The following EXOC4 variants were observed in gnomAD, a reference collection of about 807,000 sequenced individuals.
EXOC4 encodes SEC8-like 1.
A neutral mutation model predicts 107.2 loss-of-function variants in EXOC4; 71 were observed. The ratio of observed to expected loss-of-function variants is 0.66; its 90% CI spans 0.55 to 0.81. EXOC4 has a LOEUF of 0.81. EXOC4 is among the 30% of genes least tolerant of loss of function. EXOC4 has a pLI of 0.00. For synonymous variants in EXOC4, 456 were observed against 441.2 expected (o/e 1.03, Z -0.42); for missense variants, 1,108 against 1,189.6 (o/e 0.93, Z 1.01).
chr7:133,785,631 C>T (rs1796551829), intron 10 of EXOC4, among the ~76,000 whole-genome samples: 2 of 151,944 alleles, frequency 1.3e-5, no homozygotes, highest in Non-Finnish European at 2.9e-5. Flanking sequence ...AAACTGAGGC[C>T]AGAGGAAGAG....
chr7:133,500,888 T>G (rs1194035126), intron 9 of EXOC4, among the ~76,000 whole-genome samples: 5 of 152,170 alleles, frequency 3.3e-5, no homozygotes, highest in African/African-American at 4.8e-5. Flanking sequence ...GATTCAGGCC[T>G]TGGAAGTTAG....
the EXOC4 span, among the ~76,000 whole-genome samples, chr7:134,086,296 A>C: frequency 6.6e-6 from 1 of 152,208 alleles, no homozygotes; most frequent in African/African-American, 2.4e-5. Flanking sequence ...CAAAATTTGA[A>C]AGTTGAGCAC....
intron 3 of EXOC4, among the ~76,000 whole-genome samples, chr7:133,297,559 C>T (rs1794546456): frequency 6.6e-6 from 1 of 152,124 alleles, no homozygotes; most frequent in African/African-American, 2.4e-5. Context: ...CATTATCTCT[C>T]TGTTTTAGTA....
At chr7:133,537,914 A>G (rs946046869) in intron 9 of EXOC4, among the ~76,000 whole-genome samples, 2 of 152,178 alleles carry the variant, frequency 1.3e-5, no homozygotes, top group Non-Finnish European at 2.9e-5. Context: ...ACAATAATAC[A>G]TATTTTTGGT....
intron 11 of EXOC4, among the ~76,000 whole-genome samples, chr7:133,847,393 T>G (rs1798149253): frequency 3.7e-5 from 1 of 27,266 alleles, no homozygotes; most frequent in South Asian, 2.1e-3. Flanking sequence ...TTTTTTTTTT[T>G]TTTGGAGACT....
intron 7 of EXOC4, among the ~76,000 whole-genome samples, chr7:133,465,881 A>G (rs766204600): frequency 2.0e-4 from 30 of 152,198 alleles, no homozygotes; most frequent in South Asian, 6.2e-4. Flanking sequence ...CACACCTGTA[A>G]TCCCAGCACT....
chr7:133,325,795 C>A (rs993724977), intron 5 of EXOC4, among the ~76,000 whole-genome samples: 2 of 152,170 alleles, frequency 1.3e-5, no homozygotes, highest in Non-Finnish European at 2.9e-5. Flanking sequence ...TGTATAATTT[C>A]CTGCAGAGTG....
chr7:133,614,987 G>C (rs1347253174), intron 9 of EXOC4, among the ~76,000 whole-genome samples: 1 of 152,042 alleles, frequency 6.6e-6, no homozygotes, highest in Admixed American at 6.6e-5. Context: ...AAAACAAATT[G>C]ACATTAGATA....
rs747429863 is a variant in EXOC4 at position 133,552,195 on chromosome 7, A to G, written c.1417+72057A>G. Among the ~76,000 whole-genome samples, 11 of 152,288 alleles carry G rather than the reference A, an allele frequency of 7.2e-5. No individual in the cohort carries two copies. The East Asian group carries it at 1.9e-3, about 27-fold the overall frequency. On this transcript the variant is annotated intron_variant, in intron 9 of 17. Coordinates refer to ENST00000253861, the MANE Select transcript of EXOC4 (RefSeq NM_021807.4). Reference sequence around the variant, plus strand: ...CTTTGATTTCAGAAACAGAGAAAGAAAAACATGGCTCAATTGAACCATGGT... The same window carrying G: ...CTTTGATTTCAGAAACAGAGAAAGAGAAACATGGCTCAATTGAACCATGGT...
intron 12 of EXOC4, among the ~76,000 whole-genome samples, chr7:133,907,823 G>GAGGAGGAAGAC (rs1563052904): frequency 1.9e-5 from 1 of 53,732 alleles, no homozygotes; most frequent in Non-Finnish European, 3.5e-5. Flanking sequence ...AGAAGGAGGA[G>GAGGAGGAAGAC]GAGGAGGAAG....
chr7:133,755,287 TACATATTATATATATTATATATATATTA>T, intron 10 of EXOC4, among the ~76,000 whole-genome samples: 2 of 104,952 alleles, frequency 1.9e-5, no homozygotes, highest in Middle Eastern at 5.0e-3. Flanking sequence ...ATATATTATA[TACATATTATATATATTATATATATATTA>T]TATATATATA....
chr7:133,537,496 A>G (rs542931758), intron 9 of EXOC4, among the ~76,000 whole-genome samples: 2 of 152,182 alleles, frequency 1.3e-5, no homozygotes, highest in African/African-American at 2.4e-5. Flanking sequence ...GTTGTCCCAT[A>G]CTTTATCTTT....
intron 10 of EXOC4, among the ~76,000 whole-genome samples, chr7:133,795,680 G>T (rs1015051352): frequency 6.6e-6 from 1 of 152,110 alleles, no homozygotes; most frequent in Non-Finnish European, 1.5e-5. Flanking sequence ...CCATGAAAAA[G>T]ATAAAACACC....
At chr7:133,313,839 A>G (rs916646625) in intron 4 of EXOC4, among the ~76,000 whole-genome samples, 1 of 152,108 alleles carries the variant, frequency 6.6e-6, no homozygotes, top group South Asian at 2.1e-4. Context: ...GTCCTCTACC[A>G]TGTTGCTATT....
chr7:134,059,688 T>C (rs539159866), intron 17 of EXOC4, among the ~76,000 whole-genome samples: 7 of 152,284 alleles, frequency 4.6e-5, no homozygotes, highest in Admixed American at 1.3e-4. Context: ...TTGGAAACAA[T>C]TGAAGTATCC....
chr7:133,436,853 A>C (rs1200994710), intron 7 of EXOC4, among the ~76,000 whole-genome samples: 1 of 152,146 alleles, frequency 6.6e-6, no homozygotes, highest in African/African-American at 2.4e-5. Context: ...TAATTACTTT[A>C]GAGTAACTTA....
At chr7:134,054,531 C>T (rs575424922) in intron 17 of EXOC4, among the ~76,000 whole-genome samples, 13 of 152,252 alleles carry the variant, frequency 8.5e-5, no homozygotes, top group African/African-American at 3.1e-4. Flanking sequence ...ACATTGGCCC[C>T]TTTCACCACT....
At chr7:133,374,525 A>G (rs1038367868) in intron 6 of EXOC4, among the ~76,000 whole-genome samples, 2 of 152,208 alleles carry the variant, frequency 1.3e-5, no homozygotes, top group African/African-American at 4.8e-5. Flanking sequence ...GTAATCCGTG[A>G]ACTATGTTAA....
In EXOC4 at chr7:133,608,653, G is replaced by A. The variant is rs1261061645; in HGVS notation, c.1418-21392G>A. On this transcript the variant is annotated intron_variant, in intron 9 of 17. Coordinates refer to ENST00000253861, the MANE Select transcript of EXOC4 (RefSeq NM_021807.4). ...CAGCCTCTTACTCCCTGGTTCAAGC[G>A]ATTCTCCTGCCCCAGCTCCTGAGTA... Among the ~76,000 whole-genome samples the A allele has an allele frequency of 2.7e-5, 4 of 147,766 alleles. No individual in the cohort carries two copies. The East Asian group carries it at 6.1e-4, about 22-fold the overall frequency.
Sources: allele counts gnomAD v4.1 joint callset (sites outside exome capture counted in the v4.1 genomes callset), GRCh38; gene constraint gnomAD v4.1.1; transcripts MANE v1.5; gene names NCBI Gene and HGNC (gene_info 2026-07-23, HGNC 2026-07-21).